Variants in CRISPLD2 observed in about 807,000 individuals in gnomAD.
The protein encoded by CRISPLD2 is cysteine rich secretory protein LCCL domain containing 2.
Under a neutral mutation model 71.1 loss-of-function variants are expected in CRISPLD2, and 47 were observed. That is an observed-to-expected ratio of 0.66 (90% CI 0.52 to 0.84). The LOEUF (loss-of-function observed/expected upper bound fraction) is 0.84. CRISPLD2 is among the 40% of genes least tolerant of loss of function. The pLI is 0.00. For missense variants in CRISPLD2, 830 were observed against 651.1 expected, an observed-to-expected ratio of 1.27 and a Z score of -2.99; for synonymous variants, 317 against 250.1, an observed-to-expected ratio of 1.27 and a Z score of -2.52.
rs988887316 is a variant in CRISPLD2 at position 84,889,220 on chromosome 16, G to C, written c.1306-10G>C. On this transcript the variant is annotated splice_polypyrimidine_tract_variant and intron_variant, in intron 13 of 14. Transcript: ENST00000262424. ...CGCATCGCTGATCACAGCCCTTCCT[G>C]TGCTTCCAGACCTCAAGCATCTGCA... 1.9e-6 allele frequency: 3 copies of C among 1,614,070 alleles called. No homozygotes were observed. Among genetic ancestry groups the C allele is most frequent in the Non-Finnish European group, 2.5e-6 (3 of 1,179,964 alleles).
chr16:84,869,019 T>A, intron 8 of CRISPLD2, 108 bp downstream of exon 8: 1 of 958,860 alleles, frequency 1.0e-6, no homozygotes, highest in South Asian at 1.7e-5. Context: ...TGTTGCATAT[T>A]TAGCAAGCTG....
At chr16:84,901,306 A>T (rs2071751841) in intron 14 of CRISPLD2, among the ~76,000 whole-genome samples, 1 of 152,146 alleles carries the variant, frequency 6.6e-6, no homozygotes. Context: ...TCCACATAAG[A>T]TCTAAACATC....
chr16:84,890,438 A>G (rs1490631488), intron 14 of CRISPLD2, among the ~76,000 whole-genome samples: 1 of 152,130 alleles, frequency 6.6e-6, no homozygotes, highest in Non-Finnish European at 1.5e-5. Context: ...ACTCGAGACC[A>G]TACCTTTATG....
intron 6 of CRISPLD2, among the ~76,000 whole-genome samples, chr16:84,864,846 G>A (rs1027363060): frequency 6.6e-6 from 1 of 152,214 alleles, no homozygotes; most frequent in African/African-American, 2.4e-5. Flanking sequence ...AGGGTGACCC[G>A]TGAGCACATC....
chr16:84,834,324 C>G (rs1461258313), intron 1 of CRISPLD2, among the ~76,000 whole-genome samples: 1 of 152,206 alleles, frequency 6.6e-6, no homozygotes, highest in Admixed American at 6.5e-5. Context: ...GAGGTCCATC[C>G]CATTTGGAAA....
At chr16:84,888,397 G>A (rs2071631569) in intron 13 of CRISPLD2, among the ~76,000 whole-genome samples, 1 of 152,238 alleles carries the variant, frequency 6.6e-6, no homozygotes, top group Non-Finnish European at 1.5e-5. Flanking sequence ...TTAGCCAGGT[G>A]TTGTGGTACA....
At chr16:84,876,798 AAAAAAG>A (rs1457560359) in intron 11 of CRISPLD2, among the ~76,000 whole-genome samples, 12 of 152,384 alleles carry the variant, frequency 7.9e-5, no homozygotes, top group Admixed American at 5.2e-4. Context: ...GTCTCAAAGA[AAAAAAG>A]AAAAAGAAAA....
chr16:84,861,385 C>A (rs142533138), intron 6 of CRISPLD2, among the ~76,000 whole-genome samples: 34 of 152,136 alleles, frequency 2.2e-4, no homozygotes, highest in Non-Finnish European at 5.9e-5. Flanking sequence ...CAAGGTCCCA[C>A]AGTAGGCTGT....
intron 14 of CRISPLD2, among the ~76,000 whole-genome samples, chr16:84,901,339 G>T (rs1292898508): frequency 6.6e-6 from 1 of 152,208 alleles, no homozygotes. Context: ...AGAACTTGGT[G>T]CAGAAAGACA....
Position 84,849,376 on chromosome 16 carries a change from G to C in CRISPLD2, c.360-9G>C. The C allele has an allele frequency of 6.2e-7, 1 of 1,610,942 alleles. No individual in the cohort carries two copies. The highest frequency in any genetic ancestry group is 8.5e-7 in the Non-Finnish European group (1 of 1,177,640). ...GGCTGGGACTGAGTGAGCGGTTTCTGCCCTGCAGGTATCGCTCTCCGGGGT... is the reference window on the plus strand; with the variant it reads ...GGCTGGGACTGAGTGAGCGGTTTCTCCCCTGCAGGTATCGCTCTCCGGGGT... On this transcript the variant is annotated splice_polypyrimidine_tract_variant and intron_variant, in intron 3 of 14. Coordinates refer to ENST00000262424, the MANE Select transcript of CRISPLD2 (RefSeq NM_031476.4).
chr16:84,900,136 G>C (rs1304631443), intron 14 of CRISPLD2, among the ~76,000 whole-genome samples: 1 of 152,098 alleles, frequency 6.6e-6, no homozygotes, highest in African/African-American at 2.4e-5. Flanking sequence ...GTTCTGCCTG[G>C]GTCTTGGCTC....
chr16:84,909,367 A>G lies in CRISPLD2; in HGVS notation c.*2725A>G, dbSNP rs1215064446. The G allele has an allele frequency of 6.6e-6, 1 of 152,668 alleles. No homozygotes were observed. The highest frequency in any genetic ancestry group is 6.5e-5 in the Admixed American group (1 of 15,282). The allele number at this position is 152,668 out of a possible 1,614,324, so 9.5% of individuals were successfully genotyped here. A position where few individuals can be genotyped will look rare whatever the true frequency, so the allele number is the denominator to read the frequency against. On this transcript the variant is annotated 3_prime_UTR_variant, in exon 15 of 15. Transcript: ENST00000262424. ...CTTCCTGTGTACAAAGTTTTATTGT[A>G]AATGTTTTTTGTGCTTTGCATGAAC...
intron 8 of CRISPLD2, 79 bp from the exon 9 acceptor site, chr16:84,872,363 A>G: frequency 1.7e-6 from 2 of 1,176,504 alleles, no homozygotes; most frequent in South Asian, 2.5e-5. Context: ...AGAGCCATCG[A>G]TGAAAAAAAT....
At chr16:84,904,159 C>G (rs11864496) in intron 14 of CRISPLD2, among the ~76,000 whole-genome samples, 3,202 of 152,258 alleles carry the variant, frequency 0.021, 107 homozygotes, top group African/African-American at 0.074. Flanking sequence ...CCCTGGTGTT[C>G]TAGAAGGCTG....
At chr16:84,901,906 G>A (rs1165147434) in intron 14 of CRISPLD2, among the ~76,000 whole-genome samples, 1 of 146,086 alleles carries the variant, frequency 6.8e-6, no homozygotes, top group African/African-American at 2.6e-5. Context: ...TGATTCTCCT[G>A]CCTCAGCCTC....
At chr16:84,881,601 G>A (rs1447046957) in intron 13 of CRISPLD2, among the ~76,000 whole-genome samples, 1 of 151,868 alleles carries the variant, frequency 6.6e-6, no homozygotes, top group African/African-American at 2.4e-5. Flanking sequence ...AAAATTCTGT[G>A]ATTAGGGCAG....
chr16:84,879,417 C>T (rs886810464), intron 12 of CRISPLD2, among the ~76,000 whole-genome samples: 15 of 147,104 alleles, frequency 1.0e-4, no homozygotes, highest in East Asian at 6.0e-4. Flanking sequence ...GGTTGGAGTG[C>T]GGTGGTACAA....
At chr16:84,840,674 T>C (rs140723896) in intron 2 of CRISPLD2, among the ~76,000 whole-genome samples, 35 of 152,044 alleles carry the variant, frequency 2.3e-4, no homozygotes, top group African/African-American at 8.5e-4. Context: ...GCCAGGCTAA[T>C]TTTTTGTATT....
intron 14 of CRISPLD2, 152 bp from the exon 15 acceptor site, chr16:84,906,436 G>A (rs958389028): frequency 3.0e-6 from 2 of 675,764 alleles, no homozygotes; most frequent in Non-Finnish European, 5.0e-6. Context: ...GGCAGGCTCT[G>A]TGTCTGGCGG....
Sources: allele counts gnomAD v4.1 joint callset (sites outside exome capture counted in the v4.1 genomes callset), GRCh38; gene constraint gnomAD v4.1.1; transcripts MANE v1.5; gene names NCBI Gene and HGNC (gene_info 2026-07-23, HGNC 2026-07-21).